The following EIF4G1 variants were observed in gnomAD, a reference collection of about 807,000 sequenced individuals.
The protein encoded by EIF4G1 is eukaryotic translation initiation factor 4 gamma 1.
Under a neutral mutation model 187.8 loss-of-function variants are expected in EIF4G1, and 4 were observed. That is an observed-to-expected ratio of 0.02 (90% CI 0.01 to 0.05). The LOEUF (loss-of-function observed/expected upper bound fraction) is 0.05, where lower values mean the gene tolerates loss of function less well. EIF4G1 is among the 10% of genes least tolerant of loss of function. EIF4G1 has a pLI of 1.00. For synonymous variants in EIF4G1, 844 were observed against 781.4 expected (o/e 1.08, Z -1.34); for missense variants, 1,647 against 2,081.1 (o/e 0.79, Z 4.06).
chr3:184,317,225 G>A, intron 4 of EIF4G1, 96 bp from the exon 5 acceptor site: 1 of 1,412,528 alleles, frequency 7.1e-7, no homozygotes, highest in Non-Finnish European at 1.0e-6. Context: ...GAAGCCCACA[G>A]TACTTCTTTC....
chr3:184,334,700 T>C lies in EIF4G1; in HGVS notation c.4619-27T>C, dbSNP rs778960642. The C allele has an allele frequency of 1.9e-6, 3 of 1,613,958 alleles. No individual in the cohort carries two copies. The highest frequency in any genetic ancestry group is 2.2e-5 in the East Asian group (1 of 44,876). On this transcript the variant is annotated intron_variant, in intron 32 of 32. Coordinates refer to ENST00000346169, the MANE Select transcript of EIF4G1 (RefSeq NM_198241.3). The surrounding 1 kb of genome is among the most constrained non-coding windows in gnomAD (Gnocchi z 5.8). ...GCTGGGGTGGCGGTGGCCAGTCACC[T>C]CTAACTGCTGTCCCGCCTGCTTGCA...
chr3:184,323,486 G>C lies in EIF4G1; in HGVS notation c.2167G>C (p.Glu723Gln), dbSNP rs770352096. The change falls in exon 15 of 33, where the codon GAA becomes CAA. Residue 723 changes from glutamate (E) to glutamine (Q), a missense_variant. This residue lies in a region of EIF4G1 where 140 missense variants were observed against 222.2 expected (regional missense o/e 0.63). Coordinates refer to ENST00000346169, the MANE Select transcript of EIF4G1 (RefSeq NM_198241.3). The surrounding 1 kb of genome is among the most constrained non-coding windows in gnomAD (Gnocchi z 6.9). ...GATCATTGCCACAGTGTTAATGACC[G>C]AAGATATAAAACTGAACAAAGCAGA... ...RKIIATVLMT[E>Q]DIKLNKAEKA... is the part of the protein sequence containing the mutation. 1.2e-6 allele frequency: 2 copies of C among 1,614,162 alleles called. No homozygotes were observed. Among genetic ancestry groups the C allele is most frequent in the South Asian group, 1.1e-5 (1 of 91,082 alleles).
chr3:184,323,320 G>T lies in EIF4G1; in HGVS notation c.2088+79G>T. On this transcript the variant is annotated intron_variant, in intron 14 of 32. Transcript: ENST00000346169. This position sits in a 1 kb window ranked among gnomAD's most constrained non-coding sequence, Gnocchi z 6.9. Reference sequence around the variant, plus strand: ...CCGTGTCTCAGTGCCCGCGGGGAGGGGTTTGCCCTGGAGGCGTGTAGTAGT... The same window carrying T: ...CCGTGTCTCAGTGCCCGCGGGGAGGTGTTTGCCCTGGAGGCGTGTAGTAGT... 6.2e-7 allele frequency: 1 copy of T among 1,611,602 alleles called. No homozygotes were observed.
intron 1 of EIF4G1, 89 bp downstream of exon 1, chr3:184,314,763 G>A (rs1722400216): frequency 7.8e-6 from 1 of 128,446 alleles, no homozygotes; most frequent in African/African-American, 2.9e-5. Flanking sequence ...GCCACCCTGC[G>A]CCGCCGCCCC....
rs1329343455 is a variant in EIF4G1 at position 184,319,732 on chromosome 3, T to G, written c.468T>G (p.Thr156=). ...CCCAAGGGGTGCAGCAGTTTCCCAC[T>G]GGCGTGGCCCCCACCCCAGTTTTGA... ...YPAQGVQQFP[T]GVAPTPVLMN... is the part of the protein sequence containing the mutation. Residue 156 remains threonine (T), a synonymous_variant, in exon 7 of 33, where the codon ACT becomes ACG. Transcript: ENST00000346169. The G allele has an allele frequency of 6.2e-7, 1 of 1,606,882 alleles. No individual in the cohort carries two copies. The highest frequency in any genetic ancestry group is 8.5e-7 in the Non-Finnish European group (1 of 1,177,058).
chr3:184,319,659 A>G (rs746032350), intron 6 of EIF4G1, 30 bp from the exon 7 acceptor site: 4 of 1,391,578 alleles, frequency 2.9e-6, no homozygotes, highest in South Asian at 1.2e-5. Context: ...TGACGCTACC[A>G]CCATTCTTCT....
At chr3:184,320,461 C>A in intron 7 of EIF4G1, 169 bp from the exon 8 acceptor site, 1 of 1,518,392 alleles carries the variant, frequency 6.6e-7, no homozygotes, top group Admixed American at 2.0e-5. Context: ...GGGGCAGGGA[C>A]TACGAGAGCA....
chr3:184,324,742 G>A lies in EIF4G1; in HGVS notation c.2620-136G>A, dbSNP rs150462020. 204 of 958,700 alleles carry A rather than the reference G, an allele frequency of 2.1e-4. 1 individual carries two copies. In the East Asian group the frequency reaches 4.8e-3, roughly 23 times the overall value. 59.4% of individuals were successfully genotyped at this position (958,700 alleles called of 1,614,324 possible). On this transcript the variant is annotated intron_variant, in intron 17 of 32. Transcript: ENST00000346169. ...AGCCTCCCAAATTGATGGGATTACA[G>A]GCATGAGCCACTATGCCCAGCCAGC... is the stretch of plus-strand genomic sequence containing the variant.
intron 28 of EIF4G1, among the ~76,000 whole-genome samples, chr3:184,331,006 C>T (rs150021723): frequency 6.6e-6 from 1 of 152,160 alleles, no homozygotes; most frequent in African/African-American, 2.4e-5. Flanking sequence ...TTTCAGAGTG[C>T]TAGGATTACA....
intron 3 of EIF4G1, 79 bp from the exon 4 acceptor site, chr3:184,316,053 G>T: frequency 6.3e-7 from 1 of 1,591,858 alleles, no homozygotes; most frequent in Non-Finnish European, 8.6e-7. Flanking sequence ...CCGCAGATCT[G>T]CTCCCCTTAT....
chr3:184,332,226 T>C (rs1726250290), intron 32 of EIF4G1, 140 bp downstream of exon 32: 3 of 1,116,034 alleles, frequency 2.7e-6, no homozygotes, highest in South Asian at 2.9e-5. Flanking sequence ...TTTCATTCTT[T>C]CCTTTTACGT....
chr3:184,315,833 G>A lies in EIF4G1; in HGVS notation c.37G>A (p.Ala13Thr), dbSNP rs773151314. The A allele has an allele frequency of 3.5e-5, 28 of 792,030 alleles. No homozygotes were observed. The highest frequency in any genetic ancestry group is 5.2e-5 in the Non-Finnish European group (27 of 514,852). 49.1% of individuals were successfully genotyped at this position (792,030 alleles called of 1,614,324 possible). Residue 13 changes from alanine (A) to threonine (T), a missense_variant, in exon 3 of 33, where the codon GCC (alanine) becomes ACC (threonine). Ala to Thr is a moderately conservative substitution (Grantham distance 58, BLOSUM62 0). Transcript: ENST00000346169. The part of the protein sequence containing the change: ...KAPQSTGPPP[A>T]PSPGLPQPAF... ...TCCACAGTCCACAGGCCCCCCACCC[G>A]CCCCATCCCCCGGACTCCCACAGGT...
intron 1 of EIF4G1, 126 bp from the exon 2 acceptor site, chr3:184,315,363 C>T (rs749827654): frequency 3.8e-6 from 2 of 521,722 alleles, no homozygotes; most frequent in South Asian, 2.8e-5. Flanking sequence ...GGTGGGGACG[C>T]CACGGCCGAA....
At chr3:184,326,213 G>A (rs1041572319) in intron 21 of EIF4G1, among the ~76,000 whole-genome samples, 2 of 151,696 alleles carry the variant, frequency 1.3e-5, no homozygotes, top group Non-Finnish European at 2.9e-5. Context: ...CCCAGTAGTG[G>A]TTTTTACATT....
At chr3:184,331,151 C>T (rs1360628049) in intron 28 of EIF4G1, 115 bp from the exon 29 acceptor site, 1 of 1,112,046 alleles carries the variant, frequency 9.0e-7, no homozygotes, top group African/African-American at 1.5e-5. Flanking sequence ...ATCCTTAATG[C>T]CTAGCAAGTA....
At chr3:184,331,157 A>G in intron 28 of EIF4G1, 109 bp from the exon 29 acceptor site, 2 of 1,175,904 alleles carry the variant, frequency 1.7e-6, no homozygotes, top group South Asian at 1.2e-5. Context: ...AATGCCTAGC[A>G]AGTACCTAGT....
intron 7 of EIF4G1, 145 bp downstream of exon 7, chr3:184,319,946 G>C (rs1723573312): frequency 2.9e-6 from 2 of 701,166 alleles, no homozygotes; most frequent in Admixed American, 2.3e-5. Flanking sequence ...GAGGGCTCAG[G>C]TTCTTTGTAA....
intron 7 of EIF4G1, chr3:184,320,300 G>T (rs1291455852): frequency 7.9e-7 from 1 of 1,273,420 alleles, no homozygotes; most frequent in Non-Finnish European, 1.0e-6. Flanking sequence ...AGCCACAAGT[G>T]AGCCGATTGG....
chr3:184,333,574 C>T (rs903883821), intron 32 of EIF4G1, among the ~76,000 whole-genome samples: 4 of 152,028 alleles, frequency 2.6e-5, no homozygotes, highest in African/African-American at 7.2e-5. Flanking sequence ...CTGCTGTGAG[C>T]GTTTGTAGGA....
Sources: allele counts gnomAD v4.1 joint callset (sites outside exome capture counted in the v4.1 genomes callset), GRCh38; gene constraint gnomAD v4.1.1; regional missense constraint gnomAD v4.1.1; non-coding constraint Gnocchi (gnomAD v3.1); transcripts MANE v1.5; gene names NCBI Gene and HGNC (gene_info 2026-07-23, HGNC 2026-07-21).